Variants in DIAPH1 observed in about 807,000 individuals in gnomAD.
DIAPH1 encodes the protein protein diaphanous homolog 1.
A neutral mutation model predicts 140.7 loss-of-function variants in DIAPH1; 46 were observed. The ratio of observed to expected loss-of-function variants is 0.33; its 90% CI spans 0.26 to 0.42. The LOEUF (loss-of-function observed/expected upper bound fraction) is 0.42. Among genes scored for constraint, DIAPH1 ranks in the 10% least tolerant of loss-of-function variants. The pLI, the probability that DIAPH1 is intolerant of heterozygous loss-of-function variation, is 1.00. For missense variants in DIAPH1, 1,310 were observed against 1,558.7 expected, an observed-to-expected ratio of 0.84 and a Z score of 2.69; for synonymous variants, 565 against 551.6, an observed-to-expected ratio of 1.02 and a Z score of -0.34.
intron 18 of DIAPH1, among the ~76,000 whole-genome samples, chr5:141,556,941 C>T (rs901296861): frequency 1.3e-5 from 2 of 152,150 alleles, no homozygotes; most frequent in African/African-American, 4.8e-5. Context: ...GTGATCCGCC[C>T]GCCTCGGCCT....
intron 18 of DIAPH1, among the ~76,000 whole-genome samples, chr5:141,562,606 CA>C (rs754741971): frequency 2.2e-4 from 17 of 76,830 alleles, no homozygotes; most frequent in Admixed American, 5.9e-4. Context: ...CTTACCTATG[CA>C]AAAAAAAAAA....
chr5:141,562,058 G>A (rs747663520), intron 18 of DIAPH1, among the ~76,000 whole-genome samples: 6 of 152,138 alleles, frequency 3.9e-5, no homozygotes, highest in Non-Finnish European at 5.9e-5. Context: ...ATATCATAAT[G>A]GCTGTAAGCT....
intron 6 of DIAPH1, among the ~76,000 whole-genome samples, chr5:141,582,589 G>C (rs1311905445): frequency 6.6e-6 from 1 of 152,166 alleles, no homozygotes; most frequent in African/African-American, 2.4e-5. Flanking sequence ...TGTAATCCAA[G>C]AATTTAGTAT....
At chr5:141,573,393 C>T (rs1306260073) in intron 16 of DIAPH1, 99 bp downstream of exon 16, 5 of 1,430,622 alleles carry the variant, frequency 3.5e-6, no homozygotes, top group Non-Finnish European at 3.9e-6. Context: ...CGAGATCGCA[C>T]CACTGCACTC....
chr5:141,612,546 C>A (rs575731406), intron 1 of DIAPH1, among the ~76,000 whole-genome samples: 1 of 152,304 alleles, frequency 6.6e-6, no homozygotes, highest in East Asian at 1.9e-4. Flanking sequence ...AGGGTTCATA[C>A]TGTATGATTC....
chr5:141,541,405 G>A (rs1044268314), intron 18 of DIAPH1, among the ~76,000 whole-genome samples: 16 of 151,882 alleles, frequency 1.1e-4, no homozygotes, highest in Non-Finnish European at 2.9e-5. Context: ...ATATACTTAA[G>A]GGCTGTGCAC....
intron 14 of DIAPH1, among the ~76,000 whole-genome samples, chr5:141,575,899 G>A (rs907389073): frequency 2.0e-5 from 3 of 152,148 alleles, no homozygotes; most frequent in African/African-American, 7.2e-5. Context: ...TTGCTCTAAG[G>A]ACCCCAGTTC....
intron 9 of DIAPH1, 34 bp downstream of exon 9, chr5:141,579,054 T>C: frequency 6.7e-7 from 1 of 1,500,914 alleles, no homozygotes; most frequent in Non-Finnish European, 9.3e-7. Flanking sequence ...TCTTGAATTC[T>C]ATTCTTGGGC....
chr5:141,618,255 TA>T (rs2099903006), intron 1 of DIAPH1, among the ~76,000 whole-genome samples: 1 of 152,074 alleles, frequency 6.6e-6, no homozygotes, highest in African/African-American at 2.4e-5. Flanking sequence ...TCAAGTCAGG[TA>T]ACATTCCTCA....
chr5:141,524,910 G>C (rs1242931200), intron 26 of DIAPH1: 1 of 156,366 alleles, frequency 6.4e-6, no homozygotes, highest in Non-Finnish European at 1.4e-5. Context: ...TGCTGGCTGA[G>C]CATCACCAGT....
rs1258150987 is a variant in DIAPH1 at position 141,527,707 on chromosome 5, A to AAAAAAAAAAAAAAAAC, written c.3149-26_3149-11dup. ...AAGTTTTCAGCAGAAACTAAAAAAA[A>AAAAAAAAAAAAAAAAC]AAAAAAAAAAAAAAACCATAAAAAC... On this transcript the variant is annotated splice_polypyrimidine_tract_variant and intron_variant, in intron 23 of 27. Transcript: ENST00000389054. The AAAAAAAAAAAAAAAAC allele has an allele frequency of 1.3e-6, 2 of 1,564,396 alleles. No homozygotes were observed. Among genetic ancestry groups the AAAAAAAAAAAAAAAAC allele is most frequent in the Admixed American group, 1.9e-5 (1 of 52,718 alleles).
intron 1 of DIAPH1, among the ~76,000 whole-genome samples, chr5:141,593,414 T>C (rs1193045589): frequency 1.3e-5 from 2 of 152,158 alleles, no homozygotes; most frequent in African/African-American, 2.4e-5. Flanking sequence ...AGGCATAGTA[T>C]ATACTGAGAC....
intron 15 of DIAPH1, among the ~76,000 whole-genome samples, chr5:141,574,659 T>C (rs1437686194): frequency 1.3e-5 from 2 of 152,120 alleles, no homozygotes; most frequent in Non-Finnish European, 2.9e-5. Context: ...AACAGGAAAT[T>C]AGTCAATTTT....
chr5:141,518,312 GA>G (rs55840265), intron 27 of DIAPH1, among the ~76,000 whole-genome samples: 102,107 of 115,332 alleles, frequency 0.89, 45,142 homozygotes, highest in Middle Eastern at 0.93. Context: ...AGCTCAATTG[GA>G]AAAAAAAAAA....
chr5:141,593,758 T>C (rs1305039169), intron 1 of DIAPH1, among the ~76,000 whole-genome samples: 2 of 152,210 alleles, frequency 1.3e-5, no homozygotes, highest in African/African-American at 4.8e-5. Flanking sequence ...CCTACTAGAA[T>C]AGCCAAAATC....
chr5:141,562,606 C>CAAAAAAAAA (rs754741971), intron 18 of DIAPH1, among the ~76,000 whole-genome samples: 6 of 76,822 alleles, frequency 7.8e-5, no homozygotes, highest in Non-Finnish European at 1.1e-4. Flanking sequence ...CTTACCTATG[C>CAAAAAAAAA]AAAAAAAAAA....
intron 1 of DIAPH1, among the ~76,000 whole-genome samples, chr5:141,604,125 A>C (rs2099900579): frequency 6.6e-6 from 1 of 152,202 alleles, no homozygotes; most frequent in Admixed American, 6.5e-5. Flanking sequence ...CTACTTTCCT[A>C]TCAAGTATCA....
intron 1 of DIAPH1, among the ~76,000 whole-genome samples, chr5:141,596,567 A>C (rs2099899357): frequency 6.6e-6 from 1 of 152,124 alleles, no homozygotes; most frequent in Admixed American, 6.6e-5. Flanking sequence ...GCAATTCATA[A>C]CAATATAAAA....
intron 18 of DIAPH1, among the ~76,000 whole-genome samples, chr5:141,544,648 T>C (rs1272678804): frequency 6.6e-6 from 1 of 152,192 alleles, no homozygotes; most frequent in African/African-American, 2.4e-5. Flanking sequence ...ATGAAAACTA[T>C]GTACTAGGAA....
Sources: gnomAD v4.1 joint callset for allele counts (sites outside exome capture counted in the v4.1 genomes callset) on GRCh38, gnomAD v4.1.1 for gene constraint, MANE v1.5 for transcripts, NCBI Gene and HGNC (gene_info 2026-07-23, HGNC 2026-07-21) for gene names.